Variants in OPCML observed in about 807,000 individuals in gnomAD.
OPCML encodes the protein opioid binding protein/cell adhesion molecule like.
In OPCML, 13 loss-of-function variants were observed where a neutral mutation model predicts 37.8. The ratio of observed to expected loss-of-function variants is 0.34; its 90% CI spans 0.22 to 0.55. The LOEUF is 0.55. Among genes scored for constraint, OPCML ranks in the 20% least tolerant of loss-of-function variants. The pLI is 0.91. For missense variants in OPCML, 341 were observed against 435.6 expected (o/e 0.78, Z 1.93); for synonymous variants, 176 against 168.8 (o/e 1.04, Z -0.33).
intron 1 of OPCML, among the ~76,000 whole-genome samples, chr11:133,112,483 C>T (rs1949271857): frequency 6.6e-6 from 1 of 152,064 alleles, no homozygotes; most frequent in Non-Finnish European, 1.5e-5. Context: ...TACAATTAGT[C>T]TTGGTTTTTC....
At chr11:132,425,964 A>T (rs573616606) in intron 7 of OPCML, among the ~76,000 whole-genome samples, 1 of 152,370 alleles carries the variant, frequency 6.6e-6, no homozygotes, top group South Asian at 2.1e-4. Context: ...AAATATTTTC[A>T]GGGATAAATG....
intron 1 of OPCML, among the ~76,000 whole-genome samples, chr11:133,452,700 AT>A (rs1946603570): frequency 6.6e-6 from 1 of 151,644 alleles, no homozygotes; most frequent in Admixed American, 6.6e-5. Flanking sequence ...ACAAATCTCA[AT>A]TCTACTACAA....
intron 1 of OPCML, among the ~76,000 whole-genome samples, chr11:133,111,862 T>G (rs1408078567): frequency 1.3e-5 from 2 of 152,156 alleles, no homozygotes; most frequent in Non-Finnish European, 2.9e-5. Context: ...TGACACCTGT[T>G]AATAACCTGC....
At chr11:132,748,625 G>C (rs1230497879) in intron 2 of OPCML, among the ~76,000 whole-genome samples, 2 of 152,168 alleles carry the variant, frequency 1.3e-5, no homozygotes, top group African/African-American at 2.4e-5. Context: ...AGGAGAGAGC[G>C]GTGCGAGGGA....
chr11:133,106,799 A>G (rs1036179129), intron 1 of OPCML, among the ~76,000 whole-genome samples: 2 of 152,244 alleles, frequency 1.3e-5, no homozygotes, highest in African/African-American at 4.8e-5. Context: ...AATGCATGAT[A>G]CTACTTCAGA....
intron 1 of OPCML, among the ~76,000 whole-genome samples, chr11:133,109,615 G>T (rs1269981317): frequency 6.6e-6 from 1 of 152,114 alleles, no homozygotes; most frequent in African/African-American, 2.4e-5. Flanking sequence ...TGTAAGAAAA[G>T]TTCTCCAAGT....
At chr11:133,469,749 G>C (rs1410816163) in intron 1 of OPCML, among the ~76,000 whole-genome samples, 2 of 152,088 alleles carry the variant, frequency 1.3e-5, no homozygotes, top group Admixed American at 1.3e-4. Flanking sequence ...TTCTCCTCAA[G>C]TGCTCCTCCG....
At chr11:133,261,535 G>A (rs797011285) in intron 1 of OPCML, among the ~76,000 whole-genome samples, 4 of 152,258 alleles carry the variant, frequency 2.6e-5, no homozygotes, top group African/African-American at 9.6e-5. Context: ...AAAGAGTGGT[G>A]AGGCTGGCAC....
At chr11:132,643,169 C>T (rs1314595902) in intron 3 of OPCML, among the ~76,000 whole-genome samples, 1 of 152,150 alleles carries the variant, frequency 6.6e-6, no homozygotes, top group Non-Finnish European at 1.5e-5. Context: ...CCCAGCTTCT[C>T]GGGAAGCTGA....
At chr11:133,135,724 G>A (rs1003615841) in intron 1 of OPCML, among the ~76,000 whole-genome samples, 6 of 152,314 alleles carry the variant, frequency 3.9e-5, no homozygotes, top group Admixed American at 3.3e-4. Flanking sequence ...ACTAGAATGC[G>A]TTGGAGTGTC....
intron 4 of OPCML, among the ~76,000 whole-genome samples, chr11:132,439,117 C>T (rs2096023147): frequency 6.6e-6 from 1 of 152,158 alleles, no homozygotes. Flanking sequence ...CCTCCTCAAA[C>T]CTGGTCCTGG....
At chr11:132,651,081 A>G (rs1241064487) in intron 3 of OPCML, among the ~76,000 whole-genome samples, 1 of 152,120 alleles carries the variant, frequency 6.6e-6, no homozygotes, top group Non-Finnish European at 1.5e-5. Flanking sequence ...CCCAGCATCC[A>G]CCTGCTGCCC....
rs192207029 is a variant in OPCML, at chr11:133,141,643, T to C, written c.62-198633A>G. ...CCTCCTGGGACCTTCACCTGGCTGC[T>C]CCCAGCAAGAATCCCTGCTTTCTCT... On this transcript the variant is annotated intron_variant, in intron 1 of 7. Transcript: ENST00000524381. Among the ~76,000 whole-genome samples the C allele has an allele frequency of 3.3e-4, 51 of 152,244 alleles. 1 individual carries two copies. Among genetic ancestry groups the C allele is most frequent in the Admixed American group, 3.3e-4 (5 of 15,286 alleles).
chr11:133,117,075 C>G (rs988273039), intron 1 of OPCML, among the ~76,000 whole-genome samples: 14 of 152,032 alleles, frequency 9.2e-5, no homozygotes, highest in African/African-American at 2.9e-4. Flanking sequence ...TTAACATCTG[C>G]TATTTTTGTT....
Position 133,525,824 on chromosome 11 carries a change from G to A in OPCML, c.61+6440C>T, listed in dbSNP as rs116477694. Among the ~76,000 whole-genome samples, 1,108 of 152,254 alleles carry A rather than the reference G, an allele frequency of 7.3e-3. 19 individuals carry two copies. The highest frequency in any genetic ancestry group is 0.025 in the African/African-American group (1,041 of 41,542). On this transcript the variant is annotated intron_variant, in intron 1 of 7. Coordinates refer to ENST00000524381, the MANE Select transcript of OPCML (RefSeq NM_001012393.5). ...CTGTGCAATCTGATTGTCACTTATC[G>A]TTTCCCATGCTAAGTGCAAGGAGCC...
intron 1 of OPCML, among the ~76,000 whole-genome samples, chr11:133,096,740 A>G (rs527691685): frequency 3.3e-5 from 5 of 152,252 alleles, no homozygotes; most frequent in Non-Finnish European, 7.4e-5. Flanking sequence ...TATTAATTTC[A>G]GGAAGCAGAT....
intron 1 of OPCML, among the ~76,000 whole-genome samples, chr11:133,215,405 C>A (rs554011957): frequency 2.0e-5 from 3 of 152,340 alleles, no homozygotes; most frequent in African/African-American, 7.2e-5. Context: ...TCCTTGCCCT[C>A]TCGGGCAGCA....
At chr11:132,824,951 T>C (rs1372206898) in intron 2 of OPCML, among the ~76,000 whole-genome samples, 2 of 152,174 alleles carry the variant, frequency 1.3e-5, no homozygotes. Context: ...CATAGGAAGA[T>C]GCCTCCTGTC....
At chr11:133,210,877 G>T (rs1312085151) in intron 1 of OPCML, among the ~76,000 whole-genome samples, 1 of 152,166 alleles carries the variant, frequency 6.6e-6, no homozygotes, top group Non-Finnish European at 1.5e-5. Flanking sequence ...GTACAGAGGT[G>T]TGTGCGGTTA....
Sources: gnomAD v4.1 joint callset for allele counts (sites outside exome capture counted in the v4.1 genomes callset) on GRCh38, gnomAD v4.1.1 for gene constraint, MANE v1.5 for transcripts, NCBI Gene and HGNC (gene_info 2026-07-23, HGNC 2026-07-21) for gene names.